SPICE1: variants seen among roughly 807,000 people sequenced by gnomAD.
SPICE1 encodes spindle and centriole associated protein 1.
Under a neutral mutation model 102.7 loss-of-function variants are expected in SPICE1, and 75 were observed. The observed-to-expected ratio is 0.73, with a 90% confidence interval of 0.61 to 0.88. The LOEUF (loss-of-function observed/expected upper bound fraction) is 0.88, where lower values mean the gene tolerates loss of function less well. Among genes scored for constraint, SPICE1 ranks in the 40% least tolerant of loss-of-function variants. SPICE1 has a pLI of 0.00. For missense variants in SPICE1, 979 were observed against 1,020.1 expected (o/e 0.96, Z 0.55); for synonymous variants, 308 against 350.3 (o/e 0.88, Z 1.35).
At chr3:113,462,829 A>G (rs1260248095) in intron 11 of SPICE1, among the ~76,000 whole-genome samples, 1 of 152,100 alleles carries the variant, frequency 6.6e-6, no homozygotes, top group Non-Finnish European at 1.5e-5. Context: ...CTTAAACCCA[A>G]GACAAATCAC....
At chr3:113,465,933 T>C (rs1197952198) in intron 10 of SPICE1, 149 bp from the exon 11 acceptor site, 44 of 693,832 alleles carry the variant, frequency 6.3e-5, no homozygotes, top group Non-Finnish European at 9.9e-5. Flanking sequence ...AGGTTTATTA[T>C]ATTTAATTAA....
chr3:113,449,566 G>C (rs184371097), intron 15 of SPICE1: 9 of 152,212 alleles, frequency 5.9e-5, no homozygotes, highest in Non-Finnish European at 1.0e-4. Context: ...ATTTCTGAGG[G>C]GAAAAGTCTT....
At chr3:113,467,863 C>T (rs1036167649) in intron 10 of SPICE1, among the ~76,000 whole-genome samples, 1 of 151,868 alleles carries the variant, frequency 6.6e-6, no homozygotes, top group Non-Finnish European at 1.5e-5. Context: ...AATATTAGCA[C>T]AAGATATAAT....
At chr3:113,479,438 G>A (rs1003550119) in intron 7 of SPICE1, among the ~76,000 whole-genome samples, 10 of 151,780 alleles carry the variant, frequency 6.6e-5, no homozygotes, top group Admixed American at 1.3e-4. Context: ...ATAAACATAC[G>A]TGTGCATGTG....
intron 7 of SPICE1, among the ~76,000 whole-genome samples, chr3:113,475,863 G>C (rs1056235907): frequency 2.0e-5 from 3 of 151,886 alleles, no homozygotes; most frequent in African/African-American, 7.3e-5. Flanking sequence ...CATTCCCTTT[G>C]AAAACTGGCA....
chr3:113,509,078 A>C (rs1559978874), intron 1 of SPICE1, among the ~76,000 whole-genome samples: 1 of 152,186 alleles, frequency 6.6e-6, no homozygotes, highest in Non-Finnish European at 1.5e-5. Context: ...CAGCATCTAG[A>C]GGGAGCATAT....
At chr3:113,501,262 C>T (rs867806155) in intron 3 of SPICE1, among the ~76,000 whole-genome samples, 11 of 152,048 alleles carry the variant, frequency 7.2e-5, no homozygotes, top group African/African-American at 2.7e-4. Context: ...GAAAAATTAA[C>T]TTAAAATGAA....
At chr3:113,474,015 C>T (rs939636432) in intron 7 of SPICE1, among the ~76,000 whole-genome samples, 3 of 152,044 alleles carry the variant, frequency 2.0e-5, no homozygotes, top group Admixed American at 6.6e-5. Flanking sequence ...AGTCAAGACC[C>T]ATCAGTGTGC....
At chr3:113,455,859 T>G (rs1935767764) in intron 13 of SPICE1, among the ~76,000 whole-genome samples, 1 of 152,238 alleles carries the variant, frequency 6.6e-6, no homozygotes, top group Non-Finnish European at 1.5e-5. Flanking sequence ...TAACAAGCAT[T>G]TAGTACGGTT....
intron 7 of SPICE1, among the ~76,000 whole-genome samples, chr3:113,474,442 T>C (rs984568164): frequency 2.0e-5 from 3 of 152,216 alleles, no homozygotes; most frequent in Non-Finnish European, 4.4e-5. Flanking sequence ...GCAGACTTAA[T>C]AGACATCTAC....
At chr3:113,490,492 A>G (rs987731685) in intron 6 of SPICE1, among the ~76,000 whole-genome samples, 2 of 152,184 alleles carry the variant, frequency 1.3e-5, no homozygotes, top group Non-Finnish European at 2.9e-5. Flanking sequence ...AAACACAAAA[A>G]TTAGGCAGGC....
chr3:113,468,073 T>C (rs1159990560), intron 10 of SPICE1, 66 bp downstream of exon 10: 3 of 1,550,538 alleles, frequency 1.9e-6, no homozygotes, highest in Non-Finnish European at 2.6e-6. Flanking sequence ...TTGCAATAAA[T>C]GGAAAGGAAA....
chr3:113,507,368 T>C (rs1937132638), intron 1 of SPICE1, among the ~76,000 whole-genome samples: 1 of 152,134 alleles, frequency 6.6e-6, no homozygotes. Context: ...GCAATACATA[T>C]ACATGACTAC....
At chr3:113,495,733 A>G (rs1224906765) in intron 4 of SPICE1, among the ~76,000 whole-genome samples, 1 of 152,250 alleles carries the variant, frequency 6.6e-6, no homozygotes. Context: ...TGAGCTTAGG[A>G]AAGAATGTGA....
intron 1 of SPICE1, among the ~76,000 whole-genome samples, chr3:113,507,700 AATG>A (rs1465631504): frequency 3.9e-5 from 6 of 152,176 alleles, no homozygotes; most frequent in African/African-American, 1.2e-4. Flanking sequence ...TTATGATGGT[AATG>A]ATGATGATAG....
intron 1 of SPICE1, among the ~76,000 whole-genome samples, chr3:113,512,094 C>T (rs756561793): frequency 2.0e-5 from 3 of 152,172 alleles, no homozygotes; most frequent in Non-Finnish European, 2.9e-5. Flanking sequence ...TACTGGCCAA[C>T]GACTTGATTA....
chr3:113,475,212 C>T (rs1936311185), intron 7 of SPICE1, among the ~76,000 whole-genome samples: 1 of 152,206 alleles, frequency 6.6e-6, no homozygotes, highest in African/African-American at 2.4e-5. Flanking sequence ...TCGACACATA[C>T]ATCCTCCCAA....
At chr3:113,456,587 T>C (rs926927619) in intron 13 of SPICE1, among the ~76,000 whole-genome samples, 1 of 152,234 alleles carries the variant, frequency 6.6e-6, no homozygotes, top group African/African-American at 2.4e-5. Flanking sequence ...ATTCTTAACA[T>C]GTTTATTCAA....
chr3:113,447,964 C>T, intron 16 of SPICE1, 74 bp downstream of exon 16: 2 of 1,372,350 alleles, frequency 1.5e-6, no homozygotes, highest in Admixed American at 4.2e-5. Flanking sequence ...TTCCTTTTTT[C>T]ACAAAGAGAA....
Sources: allele counts gnomAD v4.1 joint callset (sites outside exome capture counted in the v4.1 genomes callset), GRCh38; gene constraint gnomAD v4.1.1; transcripts MANE v1.5; gene names NCBI Gene and HGNC (gene_info 2026-07-23, HGNC 2026-07-21).